Variants in XPO6 observed in about 807,000 individuals in gnomAD.
XPO6 encodes exportin 6.
In XPO6, 3 loss-of-function variants were observed where a neutral mutation model predicts 130.0. The observed-to-expected ratio is 0.02, with a 90% CI of 0.01 to 0.06. The LOEUF (loss-of-function observed/expected upper bound fraction) is 0.06. Ranked by LOEUF, XPO6 falls within the 10% of genes least tolerant of loss-of-function variation. The probability of loss-of-function intolerance (pLI) is 1.00; values close to 1 mark genes in which losing one functional copy is unlikely to be tolerated. For synonymous variants in XPO6, 524 were observed against 548.9 expected (o/e 0.95, Z 0.63); for missense variants, 970 against 1,393.0 (o/e 0.70, Z 4.83).
rs2042684918 is a variant in XPO6, at chr16:28,132,205, G to A, written c.1606+129C>T. Reference sequence around the variant, plus strand: ...TTAAAAACGTTCCCTGTTTCGAAGTGGGGAGAGATGCCAGTGGGGAGGCTG... The same window carrying A: ...TTAAAAACGTTCCCTGTTTCGAAGTAGGGAGAGATGCCAGTGGGGAGGCTG... On this transcript the variant is annotated intron_variant, in intron 12 of 23. Coordinates refer to ENST00000304658, the MANE Select transcript of XPO6 (RefSeq NM_015171.4). The surrounding 1 kb of genome is among the most constrained non-coding windows in gnomAD (Gnocchi z 4.0). 1.8e-5 allele frequency: 13 copies of A among 718,550 alleles called. No homozygotes were observed. The South Asian group carries it at 1.9e-4, about 10-fold the overall frequency. The allele number at this position is 718,550 out of a possible 1,614,324, so 44.5% of individuals were successfully genotyped here.
chr16:28,175,806 G>A, intron 4 of XPO6, 92 bp downstream of exon 4: 2 of 1,168,214 alleles, frequency 1.7e-6, no homozygotes, highest in African/African-American at 1.5e-5. Flanking sequence ...GTTCCAAACT[G>A]CTAATCTTAA....
rs1172173436 is a variant in XPO6, at chr16:28,197,979, A to AC, written c.3+13386_3+13387insG. ...CTAAGTTTATTAAAAAAAAAAAAAA[A>AC]AAAAAAAAAACCCTCATACCCTTGG... On this transcript the variant is annotated intron_variant, in intron 1 of 23. Transcript: ENST00000304658. Among the ~76,000 whole-genome samples the AC allele has an allele frequency of 1.1e-3, 136 of 126,112 alleles. 9 individuals are homozygous for AC. The East Asian group carries it at 0.014, about 13-fold the overall frequency. 82.7% of individuals were successfully genotyped at this position (126,112 alleles called of 152,430 possible). A position where few individuals can be genotyped will look rare whatever the true frequency, so the allele number is the denominator to read the frequency against.
intron 8 of XPO6, among the ~76,000 whole-genome samples, chr16:28,148,576 C>T (rs900149489): frequency 6.6e-6 from 1 of 152,182 alleles, no homozygotes; most frequent in East Asian, 1.9e-4. Flanking sequence ...AAGTGGTTTA[C>T]AGTGTTTAGT....
intron 1 of XPO6, among the ~76,000 whole-genome samples, chr16:28,207,349 A>G (rs1295045043): frequency 6.6e-6 from 1 of 152,190 alleles, no homozygotes; most frequent in Non-Finnish European, 1.5e-5. Flanking sequence ...CAAAAACTCA[A>G]TTTTGCACAC....
intron 4 of XPO6, among the ~76,000 whole-genome samples, chr16:28,171,956 A>C (rs1476528430): frequency 1.3e-5 from 2 of 151,910 alleles, no homozygotes; most frequent in Non-Finnish European, 1.5e-5. Flanking sequence ...TCCAGGCTGC[A>C]TCCTTACTCT....
chr16:28,110,158 C>A (rs1002487664), intron 17 of XPO6, among the ~76,000 whole-genome samples: 5 of 152,124 alleles, frequency 3.3e-5, no homozygotes, highest in Non-Finnish European at 4.4e-5. Context: ...CAGGGTTACA[C>A]AGGAAGTTAC....
At chr16:28,182,276 T>C (rs1329325973) in intron 1 of XPO6, among the ~76,000 whole-genome samples, 4 of 152,152 alleles carry the variant, frequency 2.6e-5, no homozygotes, top group Admixed American at 2.6e-4. Flanking sequence ...GTCGGGTGAT[T>C]GACTTTGTGA....
At chr16:28,111,277 CA>C (rs2086913658) in intron 17 of XPO6, 1 of 152,084 alleles carries the variant, frequency 6.6e-6, no homozygotes, top group African/African-American at 2.4e-5. Flanking sequence ...TTTGTTATTT[CA>C]AAGAGATATT....
intron 2 of XPO6, among the ~76,000 whole-genome samples, chr16:28,178,518 T>C (rs1467128833): frequency 6.6e-6 from 1 of 151,524 alleles, no homozygotes; most frequent in Non-Finnish European, 1.5e-5. Flanking sequence ...CTTTAACTCC[T>C]GGCCTCAAGT....
In XPO6 at chr16:28,107,605, T is replaced by C. The variant is rs1324405303; in HGVS notation, c.2414A>G (p.Lys805Arg). ...CGACTGGTAGCAAATCTGTCGAGAC[T>C]TGGTGGACTCCCCCGAGATATTCTC... ...IVENISGESTKSRQICYQSLQ... is the reference protein window; with the variant it reads ...IVENISGESTRSRQICYQSLQ... The change falls in exon 18 of 24, where the codon AAG becomes AGG. Residue 805 changes from lysine to arginine, a missense_variant. Physicochemically the swap from Lys to Arg is conservative, Grantham distance 26 (BLOSUM62 2). Transcript: ENST00000304658. 3.7e-6 allele frequency: 6 copies of C among 1,613,844 alleles called. No homozygotes were observed. The highest frequency in any genetic ancestry group is 5.1e-6 in the Non-Finnish European group (6 of 1,179,968).
Position 28,125,822 on chromosome 16 carries a change from TCTC to T in XPO6, c.1630_1632del (p.Glu544del), listed in dbSNP as rs781399599. 4 of 1,614,032 alleles carry T rather than the reference TCTC, an allele frequency of 2.5e-6. No individual in the cohort carries two copies. The highest frequency in any genetic ancestry group is 1.7e-5 in the Admixed American group (1 of 60,016). On this transcript the variant is annotated inframe_deletion, in exon 13 of 24. Transcript: ENST00000304658. Reference sequence around the variant, plus strand: ...GAGCAGTGCAGCCGCCGGCAGTCGTTCTCCGCCGTGATGTTCAACCTGTGTCCT... The same window carrying T: ...GAGCAGTGCAGCCGCCGGCAGTCGTTCGCCGTGATGTTCAACCTGTGTCCT...
chr16:28,198,053 G>A (rs1052088957), intron 1 of XPO6, among the ~76,000 whole-genome samples: 1 of 134,468 alleles, frequency 7.4e-6, no homozygotes, highest in South Asian at 2.6e-4. Context: ...TACATACAAA[G>A]GTTTTCGCAA....
At chr16:28,139,810 T>C (rs2042853015) in intron 9 of XPO6, among the ~76,000 whole-genome samples, 1 of 152,192 alleles carries the variant, frequency 6.6e-6, no homozygotes, top group Non-Finnish European at 1.5e-5. Context: ...TAAATGTGTA[T>C]GCAACTAACA....
chr16:28,189,786 TTAATA>T (rs1567646111), intron 1 of XPO6, among the ~76,000 whole-genome samples: 1 of 152,208 alleles, frequency 6.6e-6, no homozygotes, highest in African/African-American at 2.4e-5. Context: ...ACACAGACAT[TTAATA>T]TTTGATTAAA....
chr16:28,175,150 C>G (rs2043513449), intron 4 of XPO6, among the ~76,000 whole-genome samples: 1 of 152,110 alleles, frequency 6.6e-6, no homozygotes, highest in African/African-American at 2.4e-5. Context: ...TTCCTCCCTT[C>G]TCTCCCCTCT....
chr16:28,166,805 A>G, intron 5 of XPO6: 1 of 985,042 alleles, frequency 1.0e-6, no homozygotes, highest in Non-Finnish European at 1.2e-6. Flanking sequence ...GCCTCTCCCC[A>G]CTGTTGCCTC....
intron 23 of XPO6, among the ~76,000 whole-genome samples, chr16:28,099,279 C>T (rs2141222315): frequency 6.6e-6 from 1 of 152,238 alleles, no homozygotes; most frequent in Middle Eastern, 3.4e-3. Flanking sequence ...ATCATGCACA[C>T]GGTGAGACCC....
At chr16:28,155,966 G>GC in intron 7 of XPO6, 108 bp downstream of exon 7, 1 of 1,472,184 alleles carries the variant, frequency 6.8e-7, no homozygotes, top group East Asian at 2.4e-5. Flanking sequence ...CTCACCAGGA[G>GC]CCCCATATTC....
At chr16:28,102,376 A>T (rs1415449703) in intron 21 of XPO6, among the ~76,000 whole-genome samples, 1 of 152,166 alleles carries the variant, frequency 6.6e-6, no homozygotes, top group East Asian at 1.9e-4. Context: ...CTCCACCTGG[A>T]GGTTAAGCCT....
Sources: gnomAD v4.1 joint callset for allele counts (sites outside exome capture counted in the v4.1 genomes callset) on GRCh38, gnomAD v4.1.1 for gene constraint, Gnocchi (gnomAD v3.1) non-coding constraint, MANE v1.5 for transcripts, NCBI Gene and HGNC (gene_info 2026-07-23, HGNC 2026-07-21) for gene names.